PEPD: variants seen among roughly 807,000 people sequenced by gnomAD.
The protein encoded by PEPD is xaa-Pro dipeptidase.
Under a neutral mutation model 60.7 loss-of-function variants are expected in PEPD, and 53 were observed. That is an observed-to-expected ratio of 0.87 (90% CI 0.70 to 1.10). The LOEUF (loss-of-function observed/expected upper bound fraction) is 1.10, where lower values mean the gene tolerates loss of function less well. Among genes scored for constraint, PEPD ranks in the 50% least tolerant of loss-of-function variants. The pLI, the probability that PEPD is intolerant of heterozygous loss-of-function variation, is 0.00. For missense variants in PEPD, 711 were observed against 711.9 expected, an observed-to-expected ratio of 1.00 and a Z score of 0.01; for synonymous variants, 267 against 284.1, an observed-to-expected ratio of 0.94 and a Z score of 0.60.
chr19:33,460,113 A>G (rs1159141870), intron 9 of PEPD, among the ~76,000 whole-genome samples: 1 of 152,128 alleles, frequency 6.6e-6, no homozygotes, highest in East Asian at 1.9e-4. Flanking sequence ...TTTAGAAGAG[A>G]TTTTTATTCC....
chr19:33,387,430 T>G lies in PEPD; in HGVS notation c.1396A>C (p.Thr466Pro). 6.2e-7 allele frequency: 1 copy of G among 1,613,946 alleles called. No homozygotes were observed. Among genetic ancestry groups the G allele is most frequent in the South Asian group, 1.1e-5 (1 of 91,078 alleles). The change falls in exon 15 of 15, where the codon ACC (threonine) becomes CCC (proline). Residue 466 changes from threonine (T) to proline (P), a missense_variant. Transcript: ENST00000244137. The part of the protein sequence containing the change: ...VVTDSGIELL[T>P]CVPRTVEEIE... ...TCTTCCACAGTGCGGGGCACGCAGG[T>G]CAGCAGCTCTATGCCGCTGTCAGTC...
intron 4 of PEPD, among the ~76,000 whole-genome samples, chr19:33,494,421 A>G (rs562788203): frequency 6.6e-6 from 1 of 152,350 alleles, no homozygotes; most frequent in East Asian, 1.9e-4. Flanking sequence ...CTTTTTTAAT[A>G]CTGAGATGCC....
chr19:33,458,552 GGT>G (rs970309825), intron 9 of PEPD, among the ~76,000 whole-genome samples: 3 of 56,120 alleles, frequency 5.3e-5, no homozygotes, highest in African/African-American at 3.1e-4. Context: ...TGTGGTGTGG[GGT>G]GTGTGTGTGG....
chr19:33,509,915 C>A (rs955085600), intron 3 of PEPD, among the ~76,000 whole-genome samples: 1 of 152,236 alleles, frequency 6.6e-6, no homozygotes, highest in African/African-American at 2.4e-5. Context: ...AGCCTCTGCT[C>A]TATCTCACAG....
At chr19:33,511,385 T>C (rs1412415954) in intron 2 of PEPD, 3 of 523,832 alleles carry the variant, frequency 5.7e-6, no homozygotes, top group Admixed American at 2.6e-5. Flanking sequence ...CCCTCCCTGA[T>C]GCTGTGTCAG....
intron 6 of PEPD, among the ~76,000 whole-genome samples, chr19:33,488,991 TCAGC>T (rs1970447631): frequency 6.6e-6 from 1 of 152,182 alleles, no homozygotes; most frequent in Non-Finnish European, 1.5e-5. Context: ...TGCTATGGCA[TCAGC>T]CAGCAATGCA....
intron 9 of PEPD, among the ~76,000 whole-genome samples, chr19:33,446,120 C>T (rs1969589644): frequency 6.6e-6 from 1 of 152,132 alleles, no homozygotes; most frequent in Admixed American, 6.5e-5. Flanking sequence ...TACTCATTAC[C>T]TACTTAGAAT....
intron 9 of PEPD, among the ~76,000 whole-genome samples, chr19:33,454,551 G>A (rs1191539353): frequency 1.3e-5 from 2 of 151,684 alleles, no homozygotes; most frequent in East Asian, 1.9e-4. Flanking sequence ...GCAGTGAGCC[G>A]AGATTGTACC....
intron 13 of PEPD, 75 bp from the exon 14 acceptor site, chr19:33,388,156 T>C: frequency 8.0e-7 from 1 of 1,247,350 alleles, no homozygotes; most frequent in Non-Finnish European, 1.1e-6. Context: ...GAGATGGGCA[T>C]GTGAGGGCCG....
chr19:33,389,074 T>C (rs1465508168), intron 13 of PEPD: 3 of 152,350 alleles, frequency 2.0e-5, no homozygotes, highest in Non-Finnish European at 1.5e-5. Context: ...CATTTCTGAC[T>C]GTTTGGGGGC....
chr19:33,516,644 G>A (rs182412591), intron 1 of PEPD, among the ~76,000 whole-genome samples: 80 of 152,118 alleles, frequency 5.3e-4, no homozygotes, highest in African/African-American at 1.8e-3. Context: ...CCACGTGCAG[G>A]GCTCTTACCT....
chr19:33,444,705 G>A (rs1056696741), intron 9 of PEPD, among the ~76,000 whole-genome samples: 25 of 149,642 alleles, frequency 1.7e-4, no homozygotes, highest in African/African-American at 6.2e-4. Context: ...CCAAAGCCAA[G>A]CCCCAGCTGG....
intron 9 of PEPD, among the ~76,000 whole-genome samples, chr19:33,455,985 A>G (rs1969790235): frequency 6.6e-6 from 1 of 152,164 alleles, no homozygotes; most frequent in Non-Finnish European, 1.5e-5. Context: ...CTAGTCCTTC[A>G]TCGACCAGGT....
intron 2 of PEPD, 72 bp from the exon 3 acceptor site, chr19:33,511,227 C>T: frequency 1.3e-6 from 2 of 1,548,988 alleles, no homozygotes; most frequent in Non-Finnish European, 8.9e-7. Flanking sequence ...GGCTGCATCA[C>T]AGCACCCTAG....
chr19:33,485,026 G>A (rs1268571059), intron 6 of PEPD, among the ~76,000 whole-genome samples: 1 of 152,176 alleles, frequency 6.6e-6, no homozygotes, highest in African/African-American at 2.4e-5. Flanking sequence ...TCTAAATGTG[G>A]GCTGGGAGAT....
At chr19:33,394,446 G>A (rs1407679638) in intron 12 of PEPD, among the ~76,000 whole-genome samples, 9 of 152,372 alleles carry the variant, frequency 5.9e-5, no homozygotes, top group South Asian at 2.1e-4. Context: ...GTGCACCCTC[G>A]GGGAAGGCCT....
At chr19:33,389,640 C>G (rs1281934639) in intron 13 of PEPD, among the ~76,000 whole-genome samples, 1 of 152,252 alleles carries the variant, frequency 6.6e-6, no homozygotes, top group Non-Finnish European at 1.5e-5. Flanking sequence ...CCAGTCACCC[C>G]TCCATCCCCA....
intron 9 of PEPD, among the ~76,000 whole-genome samples, chr19:33,453,055 C>T (rs1215997139): frequency 6.6e-6 from 1 of 152,222 alleles, no homozygotes. Context: ...GGCATGGTGG[C>T]TCACGCCTAT....
chr19:33,419,983 A>T (rs902874647), intron 9 of PEPD, among the ~76,000 whole-genome samples: 2 of 151,954 alleles, frequency 1.3e-5, no homozygotes, highest in Non-Finnish European at 2.9e-5. Flanking sequence ...GGAGCAGCTC[A>T]CTCTCTCTCT....
Sources: gnomAD v4.1 joint callset for allele counts (sites outside exome capture counted in the v4.1 genomes callset) on GRCh38, gnomAD v4.1.1 for gene constraint, MANE v1.5 for transcripts, NCBI Gene and HGNC (gene_info 2026-07-23, HGNC 2026-07-21) for gene names.